Variants in ZNF710 observed in about 807,000 individuals in gnomAD.
ZNF710 encodes zinc finger protein 710.
Under a neutral mutation model 50.6 loss-of-function variants are expected in ZNF710, and 13 were observed. The ratio of observed to expected loss-of-function variants is 0.26; its 90% CI spans 0.17 to 0.41. ZNF710 has a LOEUF of 0.41. ZNF710 is among the 10% of genes least tolerant of loss of function. The pLI is 1.00. For missense variants in ZNF710, 721 were observed against 936.6 expected (o/e 0.77, Z 3.01); for synonymous variants, 383 against 397.0 (o/e 0.96, Z 0.42).
At chr15:90,008,426 G>GTGTGTATATATATATACA (rs1257714024) in intron 1 of ZNF710, among the ~76,000 whole-genome samples, 5 of 124,250 alleles carry the variant, frequency 4.0e-5, no homozygotes, top group African/African-American at 7.6e-5. Flanking sequence ...GTGTGTGTGT[G>GTGTGTATATATATATACA]TATATATATA....
intron 1 of ZNF710, among the ~76,000 whole-genome samples, chr15:90,041,509 T>C (rs1899293977): frequency 6.6e-6 from 1 of 152,210 alleles, no homozygotes; most frequent in African/African-American, 2.4e-5. Flanking sequence ...AAATTCTTTA[T>C]ATCTTTTTCA....
At chr15:90,057,067 T>C (rs994853348) in intron 1 of ZNF710, among the ~76,000 whole-genome samples, 4 of 152,088 alleles carry the variant, frequency 2.6e-5, no homozygotes, top group African/African-American at 9.7e-5. Context: ...TGTTCTGGCC[T>C]CACTCTACCC....
chr15:90,047,976 G>A (rs746021503), intron 1 of ZNF710, among the ~76,000 whole-genome samples: 3 of 152,170 alleles, frequency 2.0e-5, no homozygotes, highest in Non-Finnish European at 2.9e-5. Flanking sequence ...GCTATTAACC[G>A]TTCTGTGCCT....
chr15:90,002,776 G>C (rs532541027), intron 1 of ZNF710, among the ~76,000 whole-genome samples: 162 of 152,384 alleles, frequency 1.1e-3, no homozygotes, highest in Non-Finnish European at 2.0e-3. Flanking sequence ...TAAGAGGCCA[G>C]GGAGGTGCTT....
chr15:90,047,583 C>CTT (rs1899503675), intron 1 of ZNF710, among the ~76,000 whole-genome samples: 3 of 114,238 alleles, frequency 2.6e-5, no homozygotes, highest in South Asian at 3.0e-4. Context: ...TTTTCTTTTT[C>CTT]TTTTTTCTTT....
At position 90,058,066 on chromosome 15, in the gene ZNF710, C is replaced by T. The variant is rs147452679; in HGVS notation, c.-28-9044C>T. Among the ~76,000 whole-genome samples the T allele has an allele frequency of 6.2e-3, 939 of 152,230 alleles. 15 individuals carry two copies. The highest frequency in any genetic ancestry group is 0.021 in the African/African-American group (877 of 41,534). ...AGCCCTCAGCTTATAGAAGCAGAGG[C>T]GTGGCTCCCAGGTCAGGTGTAGGTG... On this transcript the variant is annotated intron_variant, in intron 1 of 4. Coordinates refer to ENST00000268154, the MANE Select transcript of ZNF710 (RefSeq NM_198526.4).
Position 90,047,199 on chromosome 15 carries a change from C to G in ZNF710, c.-28-19911C>G, listed in dbSNP as rs544659794. On this transcript the variant is annotated intron_variant, in intron 1 of 4. Transcript: ENST00000268154. ...CCCAGGTGGCAGGGCACCTAGCAGTCGATTCTCCCCTAAGAACTGGCATCA... is the reference window on the plus strand; with the variant it reads ...CCCAGGTGGCAGGGCACCTAGCAGTGGATTCTCCCCTAAGAACTGGCATCA... Among the ~76,000 whole-genome samples, 255 of 152,290 alleles carry G rather than the reference C, an allele frequency of 1.7e-3. 1 individual carries two copies. Among genetic ancestry groups the G allele is most frequent in the African/African-American group, 5.9e-3 (244 of 41,550 alleles).
At chr15:90,045,397 T>C (rs952707333) in intron 1 of ZNF710, 12 of 985,222 alleles carry the variant, frequency 1.2e-5, no homozygotes, top group Non-Finnish European at 1.4e-5. Context: ...CTGACAGGTT[T>C]GCCGTCTGGG....
Position 90,001,437 on chromosome 15 carries a change from G to C in ZNF710, c.-206G>C, listed in dbSNP as rs983007552. 1.3e-5 allele frequency: 2 copies of C among 152,152 alleles called. No individual in the cohort carries two copies. Among genetic ancestry groups the C allele is most frequent in the South Asian group, 4.0e-4 (2 of 4,944 alleles). 9.4% of individuals were successfully genotyped at this position (152,152 alleles called of 1,614,324 possible). Reference sequence around the variant, plus strand: ...GAGCGAGAGAGCGAGCGAGAGGAGGGGGGAGAGAGAGAAAGAGAGGAGCCG... The same window carrying C: ...GAGCGAGAGAGCGAGCGAGAGGAGGCGGGAGAGAGAGAAAGAGAGGAGCCG... On this transcript the variant is annotated 5_prime_UTR_variant, in exon 1 of 5. Transcript: ENST00000268154.
chr15:90,079,499 C>T (rs530931026), intron 4 of ZNF710, among the ~76,000 whole-genome samples, 161 bp from the exon 5 acceptor site: 1 of 152,332 alleles, frequency 6.6e-6, no homozygotes, highest in East Asian at 1.9e-4. Context: ...GCCACAGGAC[C>T]CTGAGGCGTC....
intron 2 of ZNF710, among the ~76,000 whole-genome samples, chr15:90,071,443 C>T (rs2151533500): frequency 6.6e-6 from 1 of 152,224 alleles, no homozygotes; most frequent in African/African-American, 2.4e-5. Flanking sequence ...TGGTCATACA[C>T]ATCTGCGATG....
Position 90,081,683 on chromosome 15 carries a change from T to C in ZNF710, c.*1854T>C, listed in dbSNP as rs1446986427. The C allele has an allele frequency of 6.6e-6, 1 of 152,494 alleles. No homozygotes were observed. Among genetic ancestry groups the C allele is most frequent in the African/African-American group, 2.4e-5 (1 of 41,438 alleles). 9.4% of individuals were successfully genotyped at this position (152,494 alleles called of 1,614,324 possible). On this transcript the variant is annotated 3_prime_UTR_variant, in exon 5 of 5. Coordinates refer to ENST00000268154, the MANE Select transcript of ZNF710 (RefSeq NM_198526.4). ...CTGCTGAGCAGAAGGCATCATCCCC[T>C]GCAACTACCTCTTCCCACGTCTTTC... is the stretch of plus-strand genomic sequence containing the variant.
intron 3 of ZNF710, among the ~76,000 whole-genome samples, chr15:90,073,645 G>A (rs1052913763): frequency 2.6e-5 from 4 of 152,114 alleles, no homozygotes; most frequent in East Asian, 1.9e-4. Flanking sequence ...CCTGTCTCTC[G>A]GGTGTCTGGG....
intron 1 of ZNF710, among the ~76,000 whole-genome samples, chr15:90,020,564 G>A (rs1197568307): frequency 6.6e-6 from 1 of 152,222 alleles, no homozygotes; most frequent in Admixed American, 6.5e-5. Context: ...CCAGCCCCTT[G>A]AGATGAGGGA....
chr15:90,045,465 G>A lies in ZNF710; in HGVS notation c.-28-21645G>A, dbSNP rs915024958. On this transcript the variant is annotated intron_variant, in intron 1 of 4. Coordinates refer to ENST00000268154, the MANE Select transcript of ZNF710 (RefSeq NM_198526.4). The stretch of plus-strand genomic sequence containing the variant: ...TAGTGAGGTCAACACTGAGGTGAGC[G>A]CAGAAGCCATGAGAGATGGTTTCTC... 1.1e-5 allele frequency: 10 copies of A among 923,404 alleles called. No individual in the cohort carries two copies. In the Admixed American group the frequency reaches 1.9e-4, roughly 17 times the overall value. 57.2% of individuals were successfully genotyped at this position (923,404 alleles called of 1,614,324 possible). A position where few individuals can be genotyped will look rare whatever the true frequency, so the allele number is the denominator to read the frequency against.
chr15:90,051,716 G>T, intron 1 of ZNF710, among the ~76,000 whole-genome samples: 1 of 152,128 alleles, frequency 6.6e-6, no homozygotes, highest in East Asian at 1.9e-4. Flanking sequence ...GGTGTACCTG[G>T]TAACCGTGGG....
intron 2 of ZNF710, among the ~76,000 whole-genome samples, chr15:90,071,677 C>CTTTTTTTTTT (rs201729973): frequency 1.6e-5 from 2 of 127,258 alleles, no homozygotes; most frequent in Admixed American, 8.1e-5. Flanking sequence ...TTTATTTTTA[C>CTTTTTTTTTT]TCTTTTTTTT....
chr15:90,049,692 C>T (rs1899578453), intron 1 of ZNF710, among the ~76,000 whole-genome samples: 1 of 152,166 alleles, frequency 6.6e-6, no homozygotes, highest in East Asian at 1.9e-4. Context: ...TCGAGACCCT[C>T]TTCCGTCTCT....
rs1467202561 is a variant in ZNF710, at chr15:90,067,403, C to T, written c.266C>T (p.Ala89Val). 2 of 1,599,174 alleles carry T rather than the reference C, an allele frequency of 1.3e-6. No homozygotes were observed. The highest frequency in any genetic ancestry group is 8.5e-7 in the Non-Finnish European group (1 of 1,172,670). The change falls in exon 2 of 5, where the codon GCA becomes GTA. Residue 89 changes from alanine (A) to valine (V), a missense_variant. This residue lies in a region of ZNF710 where 326 missense variants were observed against 347.1 expected (regional missense o/e 0.94). Transcript: ENST00000268154. This position sits in a 1 kb window ranked among gnomAD's most constrained non-coding sequence, Gnocchi z 8.1. ...PAEEEVLEVEAACEKHTRRKT... is the reference protein window; with the variant it reads ...PAEEEVLEVEVACEKHTRRKT... The stretch of plus-strand genomic sequence containing the variant: ...GAGGAGGAGGTGCTGGAGGTGGAGG[C>T]AGCCTGTGAGAAGCACACCCGGCGG...
Sources: allele counts gnomAD v4.1 joint callset (sites outside exome capture counted in the v4.1 genomes callset), GRCh38; gene constraint gnomAD v4.1.1; regional missense constraint gnomAD v4.1.1; non-coding constraint Gnocchi (gnomAD v3.1); transcripts MANE v1.5; gene names NCBI Gene and HGNC (gene_info 2026-07-23, HGNC 2026-07-21).